KLRG2: variants seen among roughly 807,000 people sequenced by gnomAD.
KLRG2 encodes the protein killer cell lectin like receptor G2, also known as killer cell lectin-like receptor subfamily G member 2.
In KLRG2, 39 loss-of-function variants were observed where a neutral mutation model predicts 35.4. The ratio of observed to expected loss-of-function variants is 1.10; its 90% CI spans 0.85 to 1.44. The LOEUF (loss-of-function observed/expected upper bound fraction) is 1.44, where lower values mean the gene tolerates loss of function less well. Ranked by LOEUF, KLRG2 falls within the 40% of genes most tolerant of loss-of-function variation. The pLI is 0.00. For missense variants in KLRG2, 632 were observed against 570.9 expected, an observed-to-expected ratio of 1.11 and a Z score of -1.09; for synonymous variants, 283 against 265.8, an observed-to-expected ratio of 1.06 and a Z score of -0.63.
chr7:139,447,208 G>T, the KLRG2 span, among the ~76,000 whole-genome samples: 1 of 152,074 alleles, frequency 6.6e-6, no homozygotes, highest in Non-Finnish European at 1.5e-5. Context: ...GTCATGTGTC[G>T]CTTAACAACA....
At chr7:139,438,935 C>A in the KLRG2 span, among the ~76,000 whole-genome samples, 1 of 135,462 alleles carries the variant, frequency 7.4e-6, no homozygotes, top group Non-Finnish European at 1.6e-5. Flanking sequence ...CCCCCCACCC[C>A]GCCCCGCCTC....
chr7:139,433,316 TTTTTTGTTTG>T, the KLRG2 span, among the ~76,000 whole-genome samples: 44 of 151,858 alleles, frequency 2.9e-4, no homozygotes, highest in African/African-American at 9.0e-4. Flanking sequence ...GTGTGGTTTT[TTTTTTGTTTG>T]TTTGTTTGTT....
chr7:139,472,899 TA>T (rs1796783557), intron 3 of KLRG2, among the ~76,000 whole-genome samples: 4 of 152,090 alleles, frequency 2.6e-5, no homozygotes, highest in African/African-American at 7.2e-5. Context: ...TGCAGCGAGG[TA>T]ACTAACTGGC....
intron 3 of KLRG2, among the ~76,000 whole-genome samples, chr7:139,463,882 A>G (rs1375786625): frequency 6.6e-6 from 1 of 152,128 alleles, no homozygotes; most frequent in East Asian, 1.9e-4. Context: ...TACCCACTCC[A>G]CATTACCTTC....
rs539117830 is a variant in KLRG2 at position 139,462,747 on chromosome 7, C to T, written c.1006-8533G>A. On this transcript the variant is annotated intron_variant, in intron 3 of 4. Transcript: ENST00000340940. ...TGGGCAAATGGTCTGAGGTGCCTGACGTCCAGGCATTCTTTTACACATCAG... is the reference window on the plus strand; with the variant it reads ...TGGGCAAATGGTCTGAGGTGCCTGATGTCCAGGCATTCTTTTACACATCAG... Among the ~76,000 whole-genome samples the T allele has an allele frequency of 2.2e-4, 33 of 152,280 alleles. No individual in the cohort carries two copies. In the South Asian group the frequency reaches 3.1e-3, roughly 14 times the overall value.
chr7:139,428,877 G>C, the KLRG2 span, among the ~76,000 whole-genome samples: 3 of 152,100 alleles, frequency 2.0e-5, no homozygotes, highest in Non-Finnish European at 4.4e-5. Context: ...CTTTTAAATA[G>C]TTCAACAATT....
At chr7:139,480,776 T>TAC (rs200242808) in intron 1 of KLRG2, among the ~76,000 whole-genome samples, 6,839 of 123,874 alleles carry the variant, frequency 0.055, 585 homozygotes, top group African/African-American at 0.19. Flanking sequence ...GACTGAGTCT[T>TAC]TCTATCGCCC....
At chr7:139,477,632 C>T (rs1796873697) in intron 3 of KLRG2, among the ~76,000 whole-genome samples, 1 of 152,102 alleles carries the variant, frequency 6.6e-6, no homozygotes, top group African/African-American at 2.4e-5. Context: ...TTCAGTTGTA[C>T]AAGACGAAAA....
At chr7:139,473,508 A>G (rs1163995566) in intron 3 of KLRG2, among the ~76,000 whole-genome samples, 1 of 152,166 alleles carries the variant, frequency 6.6e-6, no homozygotes. Context: ...TTAATCTGTA[A>G]TTTAGTACTT....
intron 3 of KLRG2, among the ~76,000 whole-genome samples, chr7:139,470,082 G>A (rs557940184): frequency 4.0e-5 from 6 of 149,696 alleles, no homozygotes; most frequent in African/African-American, 7.4e-5. Flanking sequence ...TTTTTTGGAC[G>A]GAGTCTCGCT....
Position 139,453,460 on chromosome 7 carries a change from C to G in KLRG2, c.*127G>C. On this transcript the variant is annotated 3_prime_UTR_variant, in exon 5 of 5. Transcript: ENST00000340940. ...CAGCTCCTAGGCTCGCTCATGTGGC[C>G]CCCTTGAGCAGAGCATGAAGACCTG... is the stretch of plus-strand genomic sequence containing the variant. The G allele has an allele frequency of 1.0e-6, 1 of 961,864 alleles. No homozygotes were observed. Among genetic ancestry groups the G allele is most frequent in the Non-Finnish European group, 1.5e-6 (1 of 659,982 alleles). The allele number at this position is 961,864 out of a possible 1,614,324, so 59.6% of individuals were successfully genotyped here.
intron 3 of KLRG2, among the ~76,000 whole-genome samples, chr7:139,460,436 G>A (rs1318432532): frequency 6.6e-6 from 1 of 152,196 alleles, no homozygotes; most frequent in Non-Finnish European, 1.5e-5. Context: ...CCAGCCCTTT[G>A]GGAGGCCAAG....
chr7:139,441,828 A>C, the KLRG2 span, among the ~76,000 whole-genome samples: 2 of 152,144 alleles, frequency 1.3e-5, no homozygotes, highest in Non-Finnish European at 2.9e-5. Context: ...CCACGTTCTG[A>C]ACCAAGGCTG....
chr7:139,463,706 C>T (rs1442343563), intron 3 of KLRG2, among the ~76,000 whole-genome samples: 16 of 152,226 alleles, frequency 1.1e-4, no homozygotes, highest in Admixed American at 8.5e-4. Context: ...CCTGGAACTC[C>T]GGCCCAAGGC....
chr7:139,443,287 T>A, the KLRG2 span, among the ~76,000 whole-genome samples: 1 of 151,876 alleles, frequency 6.6e-6, no homozygotes, highest in South Asian at 2.1e-4. Flanking sequence ...GGTTTCACCA[T>A]GTCCGCCAGG....
At chr7:139,466,763 G>A (rs112194079) in intron 3 of KLRG2, among the ~76,000 whole-genome samples, 4 of 103,942 alleles carry the variant, frequency 3.8e-5, no homozygotes, top group East Asian at 5.6e-4. Context: ...ATAAAAAAAG[G>A]GGGGGGTACT....
At chr7:139,475,561 TGGGGGGGTGG>T (rs1569415641) in intron 3 of KLRG2, among the ~76,000 whole-genome samples, 2 of 150,452 alleles carry the variant, frequency 1.3e-5, no homozygotes, top group Non-Finnish European at 3.0e-5. Context: ...GTCCCCGTGC[TGGGGGGGTGG>T]CGGCACACCC....
In KLRG2 at chr7:139,469,915, G is replaced by C. The variant is rs1004168004; in HGVS notation, c.1005+9712C>G. Reference sequence around the variant, plus strand: ...AGGACACTGTGGGGCGTAAGGAGTAGAGATTCCTTATAGCACAAGTGTGCC... The same window carrying C: ...AGGACACTGTGGGGCGTAAGGAGTACAGATTCCTTATAGCACAAGTGTGCC... On this transcript the variant is annotated intron_variant, in intron 3 of 4. Coordinates refer to ENST00000340940, the MANE Select transcript of KLRG2 (RefSeq NM_198508.4). Among the ~76,000 whole-genome samples, 5 of 152,226 alleles carry C rather than the reference G, an allele frequency of 3.3e-5. No homozygotes were observed. In the East Asian group the frequency reaches 7.7e-4, roughly 23 times the overall value.
At chr7:139,450,988 C>T (rs1246490339), downstream of KLRG2, among the ~76,000 whole-genome samples, 1 of 152,166 alleles carries the variant, frequency 6.6e-6, no homozygotes, top group African/African-American at 2.4e-5. Context: ...GAAGTCCAAG[C>T]AGCCATATGG....
Sources: gnomAD v4.1 joint callset for allele counts (sites outside exome capture counted in the v4.1 genomes callset) on GRCh38, gnomAD v4.1.1 for gene constraint, MANE v1.5 for transcripts, NCBI Gene and HGNC (gene_info 2026-07-23, HGNC 2026-07-21) for gene names.